The following PRKG1 variants were observed in gnomAD, a reference collection of about 807,000 sequenced individuals.
PRKG1 encodes the protein protein kinase cGMP-dependent 1, also known as cGMP-dependent protein kinase 1.
In PRKG1, 35 loss-of-function variants were observed where a neutral mutation model predicts 88.1. That is an observed-to-expected ratio of 0.40 (90% confidence interval 0.30 to 0.53). PRKG1 has a LOEUF of 0.53. Among genes scored for constraint, PRKG1 ranks in the 20% least tolerant of loss-of-function variants. The pLI is 0.59. For synonymous variants in PRKG1, 303 were observed against 292.5 expected (o/e 1.04, Z -0.37); for missense variants, 540 against 839.8 (o/e 0.64, Z 4.41).
chr10:52,263,559 C>G (rs1841488010), intron 10 of PRKG1, among the ~76,000 whole-genome samples: 2 of 151,590 alleles, frequency 1.3e-5, no homozygotes. Flanking sequence ...TAGAAATACT[C>G]TCCATTCCAA....
At chr10:51,020,112 T>C (rs543616130) in intron 1 of PRKG1, among the ~76,000 whole-genome samples, 2 of 152,316 alleles carry the variant, frequency 1.3e-5, no homozygotes, top group African/African-American at 4.8e-5. Flanking sequence ...AAATTAAAAA[T>C]AGAATTACCA....
chr10:51,983,605 T>C (rs777173770), intron 5 of PRKG1, among the ~76,000 whole-genome samples: 1 of 152,148 alleles, frequency 6.6e-6, no homozygotes, highest in African/African-American at 2.4e-5. Flanking sequence ...ATGTCTCCTA[T>C]AGGAACAAGT....
At chr10:51,598,806 G>GT (rs929584266) in intron 3 of PRKG1, among the ~76,000 whole-genome samples, 23 of 152,090 alleles carry the variant, frequency 1.5e-4, no homozygotes, top group African/African-American at 4.3e-4. Flanking sequence ...AGATGGTATA[G>GT]TTTTTTTTCC....
chr10:51,327,077 A>G (rs898136801), intron 2 of PRKG1, among the ~76,000 whole-genome samples: 4 of 152,162 alleles, frequency 2.6e-5, no homozygotes, highest in Non-Finnish European at 5.9e-5. Context: ...TATATAACCT[A>G]GCTCCCAAAA....
intron 17 of PRKG1, among the ~76,000 whole-genome samples, chr10:52,292,883 T>G (rs1215889564): frequency 6.6e-6 from 1 of 152,008 alleles, no homozygotes; most frequent in Non-Finnish European, 1.5e-5. Context: ...CCACTCCTAT[T>G]CAACATAGTG....
At chr10:51,283,371 A>T (rs1840351426) in intron 2 of PRKG1, among the ~76,000 whole-genome samples, 1 of 152,182 alleles carries the variant, frequency 6.6e-6, no homozygotes, top group South Asian at 2.1e-4. Context: ...ATTGCCTGCA[A>T]TTCTAGATAA....
At chr10:51,003,136 G>A (rs1842906038) in intron 1 of PRKG1, among the ~76,000 whole-genome samples, 1 of 152,000 alleles carries the variant, frequency 6.6e-6, no homozygotes, top group Non-Finnish European at 1.5e-5. Context: ...ATTGAATGTT[G>A]GGTATGCTTT....
intron 1 of PRKG1, among the ~76,000 whole-genome samples, chr10:51,090,948 A>G (rs1408525242): frequency 6.6e-6 from 1 of 152,252 alleles, no homozygotes; most frequent in African/African-American, 2.4e-5. Context: ...CCAAGAAGCT[A>G]TCAGACGTAG....
chr10:52,264,634 T>G (rs916091713), intron 10 of PRKG1, among the ~76,000 whole-genome samples: 22 of 152,170 alleles, frequency 1.4e-4, no homozygotes, highest in African/African-American at 5.3e-4. Context: ...TGAGTAAAAT[T>G]TTGTGCTATT....
chr10:51,764,600 C>T (rs909077385), intron 3 of PRKG1, among the ~76,000 whole-genome samples: 4 of 152,060 alleles, frequency 2.6e-5, no homozygotes, highest in South Asian at 2.1e-4. Flanking sequence ...ATTTCCCTGG[C>T]GACACTAATG....
At chr10:51,781,456 A>T (rs963316856) in intron 3 of PRKG1, among the ~76,000 whole-genome samples, 2 of 152,180 alleles carry the variant, frequency 1.3e-5, no homozygotes, top group Non-Finnish European at 2.9e-5. Context: ...TTACCTTTTT[A>T]TAAAATGTTG....
chr10:51,285,246 G>A (rs1840411787), intron 2 of PRKG1, among the ~76,000 whole-genome samples: 1 of 151,878 alleles, frequency 6.6e-6, no homozygotes. Flanking sequence ...ACTGAACAAT[G>A]GGTTTCTAGT....
At chr10:51,325,862 A>C (rs757295249) in intron 2 of PRKG1, among the ~76,000 whole-genome samples, 5 of 152,110 alleles carry the variant, frequency 3.3e-5, no homozygotes, top group Non-Finnish European at 5.9e-5. Flanking sequence ...AGCTCCAACC[A>C]TTCTACTGCA....
chr10:51,989,893 A>C (rs756152018), intron 5 of PRKG1, among the ~76,000 whole-genome samples: 19 of 152,120 alleles, frequency 1.2e-4, no homozygotes, highest in Non-Finnish European at 2.5e-4. Context: ...GACCAATATC[A>C]TGGGACTTTC....
chr10:52,168,405 A>G (rs1431309468), intron 9 of PRKG1, among the ~76,000 whole-genome samples: 1 of 152,210 alleles, frequency 6.6e-6, no homozygotes, highest in Non-Finnish European at 1.5e-5. Flanking sequence ...GGGAAGCAAC[A>G]TTATATAGTC....
At position 51,287,771 on chromosome 10, in the gene PRKG1, C is replaced by T. The variant is rs535362174; in HGVS notation, c.478+134441C>T. On this transcript the variant is annotated intron_variant, in intron 2 of 17. Coordinates refer to ENST00000373980, the MANE Select transcript of PRKG1 (RefSeq NM_006258.4). ...ACATATATATCTAAACAGTTATCCT[C>T]CACAGTTATTAAACTAAGAGATTTT... Among the ~76,000 whole-genome samples, 18 of 152,126 alleles carry T rather than the reference C, an allele frequency of 1.2e-4. No individual in the cohort carries two copies. The South Asian group carries it at 3.8e-3, about 32-fold the overall frequency.
chr10:52,197,387 C>T (rs1312391024), intron 9 of PRKG1, among the ~76,000 whole-genome samples: 1 of 152,092 alleles, frequency 6.6e-6, no homozygotes, highest in Non-Finnish European at 1.5e-5. Context: ...TGTTTCAAAG[C>T]ACGTTTTGAT....
Position 51,927,503 on chromosome 10 carries a change from C to T in PRKG1, c.762+19933C>T, listed in dbSNP as rs144244015. ...TAGGGAAGGAGTCTGGAAACCTGCA[C>T]GTTAAATAGTAACAGTAATATTGCA... On this transcript the variant is annotated intron_variant, in intron 5 of 17. Coordinates refer to ENST00000373980, the MANE Select transcript of PRKG1 (RefSeq NM_006258.4). Among the ~76,000 whole-genome samples, 24 of 152,232 alleles carry T rather than the reference C, an allele frequency of 1.6e-4. No individual in the cohort carries two copies. The East Asian group carries it at 4.6e-3, about 29-fold the overall frequency.
intron 2 of PRKG1, among the ~76,000 whole-genome samples, chr10:51,268,743 G>A (rs1054594369): frequency 6.6e-6 from 1 of 152,086 alleles, no homozygotes; most frequent in African/African-American, 2.4e-5. Context: ...CTCAGCTTAC[G>A]AAAATGACGG....
Sources: gnomAD v4.1 joint callset for allele counts (sites outside exome capture counted in the v4.1 genomes callset) on GRCh38, gnomAD v4.1.1 for gene constraint, MANE v1.5 for transcripts, NCBI Gene and HGNC (gene_info 2026-07-23, HGNC 2026-07-21) for gene names.